RAPGEF1: variants seen among roughly 807,000 people sequenced by gnomAD.
The protein encoded by RAPGEF1 is Rap guanine nucleotide exchange factor 1, also known as CRK SH3-binding GNRP.
In RAPGEF1, 33 loss-of-function variants were observed where a neutral mutation model predicts 143.3. That is an observed-to-expected ratio of 0.23 (90% confidence interval 0.17 to 0.31). RAPGEF1 has a LOEUF of 0.31. RAPGEF1 is among the 10% of genes least tolerant of loss of function. RAPGEF1 has a pLI of 1.00. For synonymous variants in RAPGEF1, 629 were observed against 676.5 expected, an observed-to-expected ratio of 0.93 and a Z score of 1.09; for missense variants, 1,199 against 1,645.4, an observed-to-expected ratio of 0.73 and a Z score of 4.69.
At chr9:131,717,196 C>T (rs1180886857) in intron 1 of RAPGEF1, among the ~76,000 whole-genome samples, 1 of 152,212 alleles carries the variant, frequency 6.6e-6, no homozygotes, top group Admixed American at 6.5e-5. Flanking sequence ...CTTTACAACT[C>T]CCCGCCTCCA....
chr9:131,599,668 G>C (rs1345753313), intron 15 of RAPGEF1, among the ~76,000 whole-genome samples: 2 of 152,094 alleles, frequency 1.3e-5, no homozygotes, highest in Non-Finnish European at 2.9e-5. Context: ...TCCAAGATGA[G>C]TCTCCCAGCT....
chr9:131,717,034 G>C (rs973486127), intron 1 of RAPGEF1, among the ~76,000 whole-genome samples: 1 of 152,166 alleles, frequency 6.6e-6, no homozygotes, highest in East Asian at 1.9e-4. Context: ...TCAAAGATCA[G>C]TGTTGAGGGT....
chr9:131,636,626 G>T (rs779148590), intron 5 of RAPGEF1, among the ~76,000 whole-genome samples: 2 of 152,220 alleles, frequency 1.3e-5, no homozygotes, highest in Non-Finnish European at 2.9e-5. Context: ...CAATTCGATA[G>T]AAGGAAACCT....
At position 131,675,284 on chromosome 9, in the gene RAPGEF1, G is replaced by A. The variant is rs1272286511; in HGVS notation, c.62-24335C>T. Among the ~76,000 whole-genome samples, 1 of 152,148 alleles carries A rather than the reference G, an allele frequency of 6.6e-6. No individual in the cohort carries two copies. Among genetic ancestry groups the A allele is most frequent in the Non-Finnish European group, 1.5e-5 (1 of 68,012 alleles). ...ATCTGGAAGGCCCCAGCCCAGCAGG[G>A]TCAGCTGAACAGGTGACCTGACTCA... On this transcript the variant is annotated intron_variant, in intron 1 of 26. Transcript: ENST00000683357. This position sits in a 1 kb window ranked among gnomAD's most constrained non-coding sequence, Gnocchi z 4.6.
intron 3 of RAPGEF1, among the ~76,000 whole-genome samples, chr9:131,648,950 G>T (rs1442562948): frequency 6.6e-6 from 1 of 152,182 alleles, no homozygotes; most frequent in Non-Finnish European, 1.5e-5. Context: ...CTGCTACATA[G>T]AAATTATACT....
intron 9 of RAPGEF1, among the ~76,000 whole-genome samples, chr9:131,626,654 T>TA (rs959438694): frequency 1.7e-4 from 25 of 150,850 alleles, no homozygotes; most frequent in South Asian, 4.2e-4. Context: ...ATTTCTTATT[T>TA]AAAAAAAAAA....
intron 3 of RAPGEF1, among the ~76,000 whole-genome samples, chr9:131,649,204 T>A: frequency 7.8e-6 from 1 of 128,770 alleles, no homozygotes. Flanking sequence ...GGCTAAATTT[T>A]TTTTTTTTTT....
At chr9:131,586,924 TCAAACACA>T (rs1953092487) in intron 22 of RAPGEF1, among the ~76,000 whole-genome samples, 1 of 81,444 alleles carries the variant, frequency 1.2e-5, no homozygotes, top group African/African-American at 5.6e-5. Flanking sequence ...AGACTCCGTC[TCAAACACA>T]CACACACACA....
chr9:131,600,193 C>T (rs978300893), intron 15 of RAPGEF1, among the ~76,000 whole-genome samples: 1 of 152,170 alleles, frequency 6.6e-6, no homozygotes. Flanking sequence ...TCGAGAAAAT[C>T]CCTGCTCCAC....
chr9:131,729,620 C>T (rs547652044), intron 1 of RAPGEF1, among the ~76,000 whole-genome samples: 1 of 152,324 alleles, frequency 6.6e-6, no homozygotes, highest in African/African-American at 2.4e-5. Flanking sequence ...GCAAGTCAGC[C>T]CTAGACCCCA....
chr9:131,605,172 C>CTTTA lies in RAPGEF1; in HGVS notation c.2077_2078insTAAA (p.Arg693IlefsTer40). ...AGGCACGAAATCCTGGGAGTAGGACCTAAACACAGACTTATACTACAGAAT... is the reference window on the plus strand; with the variant it reads ...AGGCACGAAATCCTGGGAGTAGGACCTTTATAAACACAGACTTATACTACAGAAT... On this transcript the variant is annotated frameshift_variant, in exon 13 of 27. Coordinates refer to ENST00000683357, the MANE Select transcript of RAPGEF1 (RefSeq NM_001377935.1). LOFTEE classifies it high-confidence loss of function. 1 of 1,354,592 alleles carries CTTTA rather than the reference C, an allele frequency of 7.4e-7. No homozygotes were observed. The highest frequency in any genetic ancestry group is 9.9e-7 in the Non-Finnish European group (1 of 1,015,130). 83.9% of individuals were successfully genotyped at this position (1,354,592 alleles called of 1,614,324 possible).
At chr9:131,728,054 G>A (rs1220156876) in intron 1 of RAPGEF1, among the ~76,000 whole-genome samples, 1 of 152,112 alleles carries the variant, frequency 6.6e-6, no homozygotes, top group African/African-American at 2.4e-5. Context: ...CATGCTAGCT[G>A]CACTGACAAA....
intron 3 of RAPGEF1, among the ~76,000 whole-genome samples, chr9:131,646,548 G>T (rs1398256457): frequency 6.6e-6 from 1 of 152,184 alleles, no homozygotes; most frequent in Non-Finnish European, 1.5e-5. Flanking sequence ...GCGGGGAAGA[G>T]GGTGAGGAAA....
At chr9:131,592,214 T>G (rs2132292571) in intron 17 of RAPGEF1, 31 bp from the exon 18 acceptor site, 1 of 1,550,170 alleles carries the variant, frequency 6.5e-7, no homozygotes, top group Non-Finnish European at 8.9e-7. Flanking sequence ...AAACTGCTTG[T>G]CTGGGTGCAG....
At chr9:131,724,590 G>A (rs931199096) in intron 1 of RAPGEF1, among the ~76,000 whole-genome samples, 4 of 151,952 alleles carry the variant, frequency 2.6e-5, no homozygotes, top group African/African-American at 7.2e-5. Context: ...GCGAGATTCC[G>A]GCTCAGAAAA....
chr9:131,593,839 C>A (rs1954783840), intron 17 of RAPGEF1, among the ~76,000 whole-genome samples: 1 of 152,238 alleles, frequency 6.6e-6, no homozygotes, highest in African/African-American at 2.4e-5. Flanking sequence ...GGGAAGGAAG[C>A]AGAGATGGCA....
chr9:131,596,398 G>A, intron 16 of RAPGEF1, 25 bp from the exon 17 acceptor site: 4 of 1,611,902 alleles, frequency 2.5e-6, no homozygotes, highest in African/African-American at 1.3e-5. Flanking sequence ...GCCAAGGAAG[G>A]TATGAGGCAG....
At position 131,628,645 on chromosome 9, in the gene RAPGEF1, T is replaced by C. The variant is rs1404068885; in HGVS notation, c.921A>G (p.Lys307=). 2 of 1,607,866 alleles carry C rather than the reference T, an allele frequency of 1.2e-6. No homozygotes were observed. Among genetic ancestry groups the C allele is most frequent in the Non-Finnish European group, 1.7e-6 (2 of 1,175,066 alleles). ...GGGTAGGGGACGGCGCCGACTGTCT[T>C]TTCTTGGGTGGCAATGCTGGTGGAG... The part of the protein sequence containing the change: ...NSPPPALPPK[K]RQSAPSPTRV... The change falls in exon 8 of 27, where the codon AAA becomes AAG. Residue 307 remains lysine, a synonymous_variant. Transcript: ENST00000683357. This position sits in a 1 kb window ranked among gnomAD's most constrained non-coding sequence, Gnocchi z 5.7.
At chr9:131,734,601 C>CA (rs1442368030) in intron 1 of RAPGEF1, among the ~76,000 whole-genome samples, 1 of 152,088 alleles carries the variant, frequency 6.6e-6, no homozygotes, top group African/African-American at 2.4e-5. Flanking sequence ...ACTTTGACGA[C>CA]AAAAATTCCT....
Sources: allele counts gnomAD v4.1 joint callset (sites outside exome capture counted in the v4.1 genomes callset), GRCh38; gene constraint gnomAD v4.1.1; non-coding constraint Gnocchi (gnomAD v3.1); transcripts MANE v1.5; gene names NCBI Gene and HGNC (gene_info 2026-07-23, HGNC 2026-07-21).